POU2F3: variants seen among roughly 807,000 people sequenced by gnomAD.
POU2F3 encodes POU class 2 homeobox 3.
Under a neutral mutation model 59.2 loss-of-function variants are expected in POU2F3, and 23 were observed. That is an observed-to-expected ratio of 0.39 (90% confidence interval 0.28 to 0.55). The LOEUF is 0.55. Ranked by LOEUF, POU2F3 falls within the 20% of genes least tolerant of loss-of-function variation. The probability of loss-of-function intolerance (pLI) is 0.66; values close to 1 mark genes in which losing one functional copy is unlikely to be tolerated. For synonymous variants in POU2F3, 190 were observed against 214.6 expected, an observed-to-expected ratio of 0.89 and a Z score of 1.00; for missense variants, 473 against 544.5, an observed-to-expected ratio of 0.87 and a Z score of 1.31.
intron 3 of POU2F3, among the ~76,000 whole-genome samples, chr11:120,275,367 C>A (rs1283397758): frequency 2.0e-5 from 3 of 152,124 alleles, no homozygotes; most frequent in Non-Finnish European, 4.4e-5. Flanking sequence ...GCCCAGGGCA[C>A]AGCTGTCCTT....
chr11:120,240,070 G>A (rs1938596026), upstream of POU2F3: 3 of 1,107,246 alleles, frequency 2.7e-6, no homozygotes, highest in Non-Finnish European at 2.2e-6. Context: ...TGGGCCTGGG[G>A]CCAGGCGCGG....
At position 120,319,859 on chromosome 11, in the gene POU2F3, A is replaced by T. The variant is rs1264841871; in HGVS notation, c.*1467A>T. On this transcript the variant is annotated 3_prime_UTR_variant, in exon 13 of 13. Transcript: ENST00000543440. ...CATTCCAGAAATGGTAACTTAAAAA[A>T]AAAAAGACTACATGTCTAGGAAACT... 1 of 152,468 alleles carries T rather than the reference A, an allele frequency of 6.6e-6. No individual in the cohort carries two copies. The highest frequency in any genetic ancestry group is 1.5e-5 in the Non-Finnish European group (1 of 68,006). The allele number at this position is 152,468 out of a possible 1,614,324, so 9.4% of individuals were successfully genotyped here. A position where few individuals can be genotyped will look rare whatever the true frequency, so the allele number is the denominator to read the frequency against.
At position 120,315,318 on chromosome 11, in the gene POU2F3, A is replaced by G. The variant is rs1285531485; in HGVS notation, c.1069-43A>G. 4 of 1,544,204 alleles carry G rather than the reference A, an allele frequency of 2.6e-6. No homozygotes were observed. In the Admixed American group the frequency reaches 6.7e-5, roughly 26 times the overall value. ...TTGGAGAGTGATCTGAAGTTGGAGA[A>G]GGGAGCAGAAATGGACATTTACAAG... On this transcript the variant is annotated intron_variant, in intron 10 of 12. Coordinates refer to ENST00000543440, the MANE Select transcript of POU2F3 (RefSeq NM_014352.4).
upstream of POU2F3, among the ~76,000 whole-genome samples, chr11:120,239,187 G>A (rs181229608): frequency 2.8e-3 from 428 of 152,356 alleles, 1 homozygote; most frequent in Middle Eastern, 0.01. Flanking sequence ...GAGGAGTCCT[G>A]TCTGGGAAGG....
chr11:120,278,968 A>T (rs1200887170), intron 3 of POU2F3, among the ~76,000 whole-genome samples: 1 of 152,216 alleles, frequency 6.6e-6, no homozygotes, highest in Non-Finnish European at 1.5e-5. Context: ...TGTAGTCAAG[A>T]TACTATAATA....
rs972098499 is a variant in POU2F3, at chr11:120,315,487, A to T, written c.1135+60A>T. The T allele has an allele frequency of 4.4e-5, 66 of 1,484,718 alleles. 1 individual carries two copies. The highest frequency in any genetic ancestry group is 5.9e-5 in the Non-Finnish European group (63 of 1,064,046). The allele number at this position is 1,484,718 out of a possible 1,614,324, so 92.0% of individuals were successfully genotyped here. On this transcript the variant is annotated intron_variant, in intron 11 of 12. Transcript: ENST00000543440. ...GAATTCTTTTAAAAAATGGGATATT[A>T]GAACTGAAAGGTATCTACCTAAGTC...
chr11:120,318,590 A>C lies in POU2F3; in HGVS notation c.*198A>C. On this transcript the variant is annotated 3_prime_UTR_variant, in exon 13 of 13. Transcript: ENST00000543440. ...GTGATTGAACCAAGTGCAGACTCCT[A>C]ATGCTCTTGAAATACACAGCCCCTC... 1 of 577,100 alleles carries C rather than the reference A, an allele frequency of 1.7e-6. No homozygotes were observed. The highest frequency in any genetic ancestry group is 2.9e-5 in the East Asian group (1 of 34,322). The allele number at this position is 577,100 out of a possible 1,614,324, so 35.7% of individuals were successfully genotyped here.
intron 3 of POU2F3, among the ~76,000 whole-genome samples, chr11:120,288,128 C>CAAAAAAA: frequency 0.031 from 1,987 of 63,224 alleles, 133 homozygotes; most frequent in Non-Finnish European, 0.035. Context: ...ACAAAAAAAC[C>CAAAAAAA]AAAAAAAAAA....
chr11:120,290,462 C>T (rs1459266360), intron 3 of POU2F3, among the ~76,000 whole-genome samples: 2 of 152,162 alleles, frequency 1.3e-5, no homozygotes, highest in Non-Finnish European at 2.9e-5. Context: ...CTTCCAGAAG[C>T]CCAGAATTCT....
chr11:120,298,528 G>T (rs781747465), intron 4 of POU2F3, 138 bp downstream of exon 4: 199 of 1,216,138 alleles, frequency 1.6e-4, no homozygotes, highest in Non-Finnish European at 2.2e-4. Context: ...TGTGAGTAGG[G>T]TTCTAAAACA....
Position 120,299,669 on chromosome 11 carries a change from G to T in POU2F3, c.304G>T (p.Gly102Cys). 4 of 1,613,806 alleles carry T rather than the reference G, an allele frequency of 2.5e-6. No individual in the cohort carries two copies. Among genetic ancestry groups the T allele is most frequent in the Non-Finnish European group, 2.5e-6 (3 of 1,179,986 alleles). ...HPLQQLVLVP[G>C]HLQSVSQFLL... ...GCTCCAGCAGCTTGTGCTGGTTCCC[G>T]GCCACTTACAGTCTGTATCCCAGTT... is the stretch of plus-strand genomic sequence containing the variant. Residue 102 changes from glycine to cysteine, a missense_variant, in exon 5 of 13, where the codon GGC (glycine) becomes TGC (cysteine). Coordinates refer to ENST00000543440, the MANE Select transcript of POU2F3 (RefSeq NM_014352.4).
rs576544240 is a variant in POU2F3 at position 120,296,500 on chromosome 11, C to T, written c.133-1765C>T. Among the ~76,000 whole-genome samples the T allele has an allele frequency of 8.5e-5, 13 of 152,128 alleles. No homozygotes were observed. In the South Asian group the frequency reaches 2.7e-3, roughly 32 times the overall value. ...TTGGTTGTACAGATTATTTCATCACCCACATATTAAACTGAGTACCCATTA... is the reference window on the plus strand; with the variant it reads ...TTGGTTGTACAGATTATTTCATCACTCACATATTAAACTGAGTACCCATTA... On this transcript the variant is annotated intron_variant, in intron 3 of 12. Transcript: ENST00000543440.
At chr11:120,279,263 C>T (rs1940462245) in intron 3 of POU2F3, among the ~76,000 whole-genome samples, 1 of 152,110 alleles carries the variant, frequency 6.6e-6, no homozygotes, top group Non-Finnish European at 1.5e-5. Context: ...TATTGGTCAA[C>T]TCCTCTGCGC....
At chr11:120,259,683 A>G (rs1218232046) in intron 2 of POU2F3, among the ~76,000 whole-genome samples, 2 of 152,220 alleles carry the variant, frequency 1.3e-5, no homozygotes, top group African/African-American at 2.4e-5. Flanking sequence ...GAATGGAGAC[A>G]GCAACTTTTT....
At position 120,309,476 on chromosome 11, in the gene POU2F3, A is replaced by T. The variant is rs1364864468; in HGVS notation, c.958A>T (p.Met320Leu). 3.1e-6 allele frequency: 5 copies of T among 1,613,894 alleles called. No homozygotes were observed. Among genetic ancestry groups the T allele is most frequent in the African/African-American group, 1.3e-5 (1 of 74,908 alleles). Residue 320 changes from methionine to leucine, a missense_variant, in exon 10 of 13, where the codon ATG becomes TTG. Physicochemically the swap from Met to Leu is conservative, Grantham distance 15. Coordinates refer to ENST00000543440, the MANE Select transcript of POU2F3 (RefSeq NM_014352.4). ...EISMIAEQLS[M>L]EKEVVRVWFC... Reference sequence around the variant, plus strand: ...CTCCATGATTGCAGAGCAGTTGTCCATGGAGAAGGAGGTGGTGAGGGTCTG... The same window carrying T: ...CTCCATGATTGCAGAGCAGTTGTCCTTGGAGAAGGAGGTGGTGAGGGTCTG...
At chr11:120,244,291 G>A (rs113001739) in intron 1 of POU2F3, among the ~76,000 whole-genome samples, 1,771 of 152,274 alleles carry the variant, frequency 0.012, 34 homozygotes, top group African/African-American at 0.04. Flanking sequence ...TTAATGGAGG[G>A]GCATGAGAAG....
chr11:120,283,540 C>G (rs796825137), intron 3 of POU2F3, among the ~76,000 whole-genome samples: 6 of 152,144 alleles, frequency 3.9e-5, no homozygotes, highest in African/African-American at 1.4e-4. Flanking sequence ...TGGGAAGCAA[C>G]GAGAATCCTG....
At chr11:120,304,619 C>CA (rs76200914) in intron 6 of POU2F3, among the ~76,000 whole-genome samples, 12,396 of 151,942 alleles carry the variant, frequency 0.082, 586 homozygotes, top group South Asian at 0.14. Context: ...AAACAAAAAA[C>CA]AAAAAAACAA....
At chr11:120,307,190 C>T (rs754043018) in intron 8 of POU2F3, among the ~76,000 whole-genome samples, 1 of 152,274 alleles carries the variant, frequency 6.6e-6, no homozygotes, top group Non-Finnish European at 1.5e-5. Context: ...TCAGCTGTGA[C>T]CCCAAACACT....
Sources: gnomAD v4.1 joint callset for allele counts (sites outside exome capture counted in the v4.1 genomes callset) on GRCh38, gnomAD v4.1.1 for gene constraint, MANE v1.5 for transcripts, NCBI Gene and HGNC (gene_info 2026-07-23, HGNC 2026-07-21) for gene names.